CYB561: variants seen among roughly 807,000 people sequenced by gnomAD.
The protein encoded by CYB561 is cytochrome b561.
In CYB561, 11 loss-of-function variants were observed where a neutral mutation model predicts 25.3. That is an observed-to-expected ratio of 0.44 (90% CI 0.27 to 0.72). The LOEUF (loss-of-function observed/expected upper bound fraction) is 0.72. Ranked by LOEUF, CYB561 falls within the 30% of genes least tolerant of loss-of-function variation. The pLI, the probability that CYB561 is intolerant of heterozygous loss-of-function variation, is 0.18. For synonymous variants in CYB561, 165 were observed against 158.8 expected, an observed-to-expected ratio of 1.04 and a Z score of -0.29; for missense variants, 295 against 334.9, an observed-to-expected ratio of 0.88 and a Z score of 0.93.
At chr17:63,435,872 C>G in intron 3 of CYB561, 81 bp from the exon 4 acceptor site, 2 of 1,579,852 alleles carry the variant, frequency 1.3e-6, no homozygotes, top group Non-Finnish European at 1.7e-6. Context: ...AACCAGCTAG[C>G]GGGACTTCTG....
intron 4 of CYB561, 154 bp downstream of exon 4, chr17:63,435,534 G>A: frequency 1.3e-6 from 1 of 756,732 alleles, no homozygotes; most frequent in Non-Finnish European, 2.2e-6. Context: ...GCCAATCCTA[G>A]CTTTGCACCC....
intron 1 of CYB561, 94 bp from the exon 2 acceptor site, chr17:63,437,654 AG>A: frequency 1.3e-6 from 1 of 741,750 alleles, no homozygotes. Flanking sequence ...AGATGCGCAC[AG>A]GCCCCCCGAG....
Position 63,434,014 on chromosome 17 carries a change from C to G in CYB561, c.*388G>C, listed in dbSNP as rs201319746. On this transcript the variant is annotated 3_prime_UTR_variant, in exon 6 of 6. Transcript: ENST00000360793. ...AATTCAGCAGCCATCGTGGCCTTTC[C>G]AGGCCTGTCCCTGAGGCCCCCCCAG... 2.0e-4 allele frequency: 45 copies of G among 230,758 alleles called. No individual in the cohort carries two copies. Among genetic ancestry groups the G allele is most frequent in the East Asian group, 1.8e-3 (20 of 11,282 alleles). The allele number at this position is 230,758 out of a possible 1,614,324, so 14.3% of individuals were successfully genotyped here.
At chr17:63,446,530 T>C (rs749835520), upstream of CYB561, among the ~76,000 whole-genome samples, 14 of 151,608 alleles carry the variant, frequency 9.2e-5, no homozygotes, top group Non-Finnish European at 1.8e-4. Flanking sequence ...GGGGCCCCCA[T>C]GATCGGGGGT....
chr17:63,433,743 C>A lies in CYB561; in HGVS notation c.*659G>T, dbSNP rs749597212. On this transcript the variant is annotated 3_prime_UTR_variant, in exon 6 of 6. Transcript: ENST00000360793. Reference sequence around the variant, plus strand: ...TGCCAAGAGAAAGTCTGTCTGAAGTCATGGGCTTCTATCCCCTCTCCCACC... The same window carrying A: ...TGCCAAGAGAAAGTCTGTCTGAAGTAATGGGCTTCTATCCCCTCTCCCACC... 1 of 234,630 alleles carries A rather than the reference C, an allele frequency of 4.3e-6. No homozygotes were observed. Among genetic ancestry groups the A allele is most frequent in the Non-Finnish European group, 8.1e-6 (1 of 123,022 alleles). The allele number at this position is 234,630 out of a possible 1,614,324, so 14.5% of individuals were successfully genotyped here. A position where few individuals can be genotyped will look rare whatever the true frequency, so the allele number is the denominator to read the frequency against.
Position 63,434,417 on chromosome 17 carries a change from G to T in CYB561, c.741C>A (p.Ser247Arg). The change falls in exon 6 of 6, where the codon AGC (serine) becomes AGA (arginine). Residue 247 changes from serine to arginine, a missense_variant. Transcript: ENST00000360793. ...MDFKTLTEGD[S>R]PGSQ is the part of the protein sequence containing the mutation. ...GCCGGGCGCATCACTGGGAGCCGGGGCTATCTCCCTCCGTCAGCGTCTTGA... is the reference window on the plus strand; with the variant it reads ...GCCGGGCGCATCACTGGGAGCCGGGTCTATCTCCCTCCGTCAGCGTCTTGA... 1 of 1,575,512 alleles carries T rather than the reference G, an allele frequency of 6.3e-7. No individual in the cohort carries two copies.
chr17:63,436,306 C>T lies in CYB561; in HGVS notation c.203-154G>A, dbSNP rs534192229. On this transcript the variant is annotated intron_variant, in intron 2 of 5. Coordinates refer to ENST00000360793, the MANE Select transcript of CYB561 (RefSeq NM_001915.4). This position sits in a 1 kb window ranked among gnomAD's most constrained non-coding sequence, Gnocchi z 4.8. ...GGAACCGGAGGAGAAAGCCAGGTTCCCTGGGGACCCTGGGCAGCTCCTGGC... is the reference window on the plus strand; with the variant it reads ...GGAACCGGAGGAGAAAGCCAGGTTCTCTGGGGACCCTGGGCAGCTCCTGGC... Among the ~76,000 whole-genome samples, 3 of 152,212 alleles carry T rather than the reference C, an allele frequency of 2.0e-5. No individual in the cohort carries two copies. In the East Asian group the frequency reaches 5.8e-4, roughly 29 times the overall value.
chr17:63,434,500 T>G lies in CYB561; in HGVS notation c.658A>C (p.Thr220Pro). The G allele has an allele frequency of 6.2e-7, 1 of 1,613,140 alleles. No homozygotes were observed. The highest frequency in any genetic ancestry group is 8.5e-7 in the Non-Finnish European group (1 of 1,179,802). The change falls in exon 6 of 6, where the codon ACC (threonine) becomes CCC (proline). Residue 220 changes from threonine to proline, a missense_variant. Coordinates refer to ENST00000360793, the MANE Select transcript of CYB561 (RefSeq NM_001915.4). The stretch of plus-strand genomic sequence containing the variant: ...GAAGGCCGCTTCCAGTCGGCCCGGG[T>G]CAAGATGTAGAGCACCGCCCCACCG... ...CFGGAVLYIL[T>P]RADWKRPSQA...
chr17:63,440,639 T>A, intron 1 of CYB561: 1 of 175,824 alleles, frequency 5.7e-6, no homozygotes, highest in Non-Finnish European at 1.2e-5. Context: ...CCTGGCTCCC[T>A]GCTGTGGGCC....
intron 1 of CYB561, among the ~76,000 whole-genome samples, chr17:63,442,602 G>T (rs2049385522): frequency 6.6e-6 from 1 of 152,116 alleles, no homozygotes; most frequent in Admixed American, 6.5e-5. Flanking sequence ...CACCCCCAAG[G>T]GCTCCACTGC....
At position 63,436,287 on chromosome 17, in the gene CYB561, G is replaced by A. The variant is rs971759135; in HGVS notation, c.203-135C>T. 21 of 1,161,928 alleles carry A rather than the reference G, an allele frequency of 1.8e-5. No homozygotes were observed. The highest frequency in any genetic ancestry group is 7.9e-5 in the East Asian group (3 of 38,152). The allele number at this position is 1,161,928 out of a possible 1,614,324, so 72.0% of individuals were successfully genotyped here. A position where few individuals can be genotyped will look rare whatever the true frequency, so the allele number is the denominator to read the frequency against. ...TAACAGGAGCCTAGCTGCAGGAACC[G>A]GAGGAGAAAGCCAGGTTCCCTGGGG... On this transcript the variant is annotated intron_variant, in intron 2 of 5. Transcript: ENST00000360793. This position sits in a 1 kb window ranked among gnomAD's most constrained non-coding sequence, Gnocchi z 4.8.
Position 63,434,437 on chromosome 17 carries a change from T to C in CYB561, c.721A>G (p.Thr241Ala). Residue 241 changes from threonine to alanine, a missense_variant, in exon 6 of 6, where the codon ACG (threonine) becomes GCG (alanine). By Grantham distance (58) the Thr-to-Ala change is moderately conservative (BLOSUM62 0). Transcript: ENST00000360793. ...CCGGGGCTATCTCCCTCCGTCAGCG[T>C]CTTGAAGTCCATGGAGAGGGCCTGC... ...EEQALSMDFK[T>A]LTEGDSPGSQ The C allele has an allele frequency of 6.3e-7, 1 of 1,594,294 alleles. No individual in the cohort carries two copies. Among genetic ancestry groups the C allele is most frequent in the South Asian group, 1.1e-5 (1 of 88,118 alleles).
chr17:63,437,987 C>CCCCCCCCCCCCCG, intron 1 of CYB561: 1 of 986,148 alleles, frequency 1.0e-6, no homozygotes, highest in Non-Finnish European at 1.4e-6. Flanking sequence ...CACCCTCCCC[C>CCCCCCCCCCCCCG]GAGGCTCCCG....
At chr17:63,438,515 C>T (rs915051468) in intron 1 of CYB561, among the ~76,000 whole-genome samples, 5 of 151,308 alleles carry the variant, frequency 3.3e-5, no homozygotes, top group Non-Finnish European at 5.9e-5. Flanking sequence ...AGAAGTGCCC[C>T]GACCATGCTG....
At position 63,435,279 on chromosome 17, in the gene CYB561, G is replaced by A. The variant is rs200824517; in HGVS notation, c.406-36C>T. 374 of 1,602,892 alleles carry A rather than the reference G, an allele frequency of 2.3e-4. 1 individual carries two copies. The African/African-American group carries it at 3.8e-3, about 16-fold the overall frequency. Reference sequence around the variant, plus strand: ...AAAGGAGACGGTTCCGGGACAGGGCGGCCGGACACCCCAGCAGCCGAGGTC... The same window carrying A: ...AAAGGAGACGGTTCCGGGACAGGGCAGCCGGACACCCCAGCAGCCGAGGTC... On this transcript the variant is annotated intron_variant, in intron 4 of 5. Coordinates refer to ENST00000360793, the MANE Select transcript of CYB561 (RefSeq NM_001915.4).
At chr17:63,445,116 C>T (rs1349449632) in intron 1 of CYB561, among the ~76,000 whole-genome samples, 1 of 152,034 alleles carries the variant, frequency 6.6e-6, no homozygotes, top group Non-Finnish European at 1.5e-5. Context: ...ATGGAGGTTG[C>T]AGTGAGCTGA....
chr17:63,432,363 A>AGAT lies in CYB561; in HGVS notation c.*2036_*2038dup, dbSNP rs2049232260. On this transcript the variant is annotated 3_prime_UTR_variant, in exon 6 of 6. Transcript: ENST00000360793. Reference sequence around the variant, plus strand: ...CCAACAGCACATTGTATTTCACAGAAGATTGGCCACAGGCAAAATAAAATA... The same window carrying AGAT: ...CCAACAGCACATTGTATTTCACAGAAGATGATTGGCCACAGGCAAAATAAAATA... 1 of 152,214 alleles carries AGAT rather than the reference A, an allele frequency of 6.6e-6. No individual in the cohort carries two copies. The highest frequency in any genetic ancestry group is 1.5e-5 in the Non-Finnish European group (1 of 68,034). 9.4% of individuals were successfully genotyped at this position (152,214 alleles called of 1,614,324 possible).
chr17:63,442,597 C>A (rs753816637), intron 1 of CYB561, among the ~76,000 whole-genome samples: 1 of 152,150 alleles, frequency 6.6e-6, no homozygotes, highest in African/African-American at 2.4e-5. Flanking sequence ...CTCCCCACCC[C>A]CAAGGGCTCC....
intron 2 of CYB561, chr17:63,437,121 G>A: frequency 1.8e-6 from 1 of 562,646 alleles, no homozygotes; most frequent in Non-Finnish European, 3.2e-6. Context: ...GTGGAAACGA[G>A]GTGAAAATGC....
Sources: gnomAD v4.1 joint callset for allele counts (sites outside exome capture counted in the v4.1 genomes callset) on GRCh38, gnomAD v4.1.1 for gene constraint, Gnocchi (gnomAD v3.1) non-coding constraint, MANE v1.5 for transcripts, NCBI Gene and HGNC (gene_info 2026-07-23, HGNC 2026-07-21) for gene names.